CA8: variants seen among roughly 807,000 people sequenced by gnomAD.
CA8 encodes carbonic anhydrase 8 (inactive), also known as carbonic anhydrase-related protein.
Under a neutral mutation model 41.4 loss-of-function variants are expected in CA8, and 22 were observed. The observed-to-expected ratio is 0.53, with a 90% CI of 0.38 to 0.76. The LOEUF (loss-of-function observed/expected upper bound fraction) is 0.76, where lower values mean the gene tolerates loss of function less well. Among genes scored for constraint, CA8 ranks in the 30% least tolerant of loss-of-function variants. The probability of loss-of-function intolerance (pLI) is 0.00; values close to 1 mark genes in which losing one functional copy is unlikely to be tolerated. For missense variants in CA8, 270 were observed against 352.8 expected (o/e 0.77, Z 1.88); for synonymous variants, 121 against 130.6 (o/e 0.93, Z 0.50).
chr8:60,258,634 C>T (rs1046643632), intron 3 of CA8, among the ~76,000 whole-genome samples: 12 of 152,136 alleles, frequency 7.9e-5, no homozygotes, highest in African/African-American at 2.7e-4. Flanking sequence ...AATTATACAA[C>T]TCACCATAAT....
At chr8:60,209,071 T>C in intron 7 of CA8, 152 bp from the exon 8 acceptor site, 1 of 874,210 alleles carries the variant, frequency 1.1e-6, no homozygotes, top group South Asian at 1.7e-5. Flanking sequence ...AAAAACAGAC[T>C]TAATTCTTCC....
chr8:60,225,815 C>T (rs567359145), intron 5 of CA8, among the ~76,000 whole-genome samples: 1 of 152,304 alleles, frequency 6.6e-6, no homozygotes, highest in Admixed American at 6.5e-5. Flanking sequence ...GCCAAGAAGG[C>T]ACTGCTTATA....
chr8:60,281,322 G>T lies in CA8; in HGVS notation c.-175C>A, dbSNP rs1272282089. The T allele has an allele frequency of 3.3e-6, 2 of 608,366 alleles. No individual in the cohort carries two copies. Among genetic ancestry groups the T allele is most frequent in the Non-Finnish European group, 5.8e-6 (2 of 342,116 alleles). The allele number at this position is 608,366 out of a possible 1,614,324, so 37.7% of individuals were successfully genotyped here. On this transcript the variant is annotated 5_prime_UTR_variant, in exon 1 of 9. Transcript: ENST00000317995. ...GCAGTGTGAGTGCAAGCAGGCGTGC[G>T]TTCGGACCGAGTGTTCCAGAGACCC...
chr8:60,256,861 A>G (rs1219197490), intron 3 of CA8, among the ~76,000 whole-genome samples: 3 of 152,218 alleles, frequency 2.0e-5, no homozygotes, highest in African/African-American at 7.2e-5. Context: ...AATACAATAT[A>G]TTCGACTAAA....
At position 60,186,934 on chromosome 8, in the gene CA8, C is replaced by T. The variant is rs1805982275; in HGVS notation, c.*3087G>A. The stretch of plus-strand genomic sequence containing the variant: ...TCATAATAGACAGAAATAGGCATAT[C>T]AACAAGGAAATAGAAGACTTGAACA... On this transcript the variant is annotated 3_prime_UTR_variant, in exon 9 of 9. Transcript: ENST00000317995. Among the ~76,000 whole-genome samples the T allele has an allele frequency of 6.6e-6, 1 of 151,904 alleles. No homozygotes were observed. Among genetic ancestry groups the T allele is most frequent in the African/African-American group, 2.4e-5 (1 of 41,394 alleles).
At chr8:60,236,461 CCTGA>C (rs1476626381) in intron 3 of CA8, among the ~76,000 whole-genome samples, 2 of 152,064 alleles carry the variant, frequency 1.3e-5, no homozygotes, top group African/African-American at 2.4e-5. Context: ...TCTGGAGAAC[CCTGA>C]CTAATACAGA....
At chr8:60,280,969 A>G (rs1200414466) in intron 1 of CA8, 79 bp downstream of exon 1, 13 of 1,018,992 alleles carry the variant, frequency 1.3e-5, no homozygotes, top group Non-Finnish European at 2.0e-5. Context: ...GCGCAGCGGC[A>G]GCAGGACTCG....
intron 4 of CA8, among the ~76,000 whole-genome samples, chr8:60,230,813 TC>T (rs1807621438): frequency 6.6e-6 from 1 of 152,202 alleles, no homozygotes; most frequent in South Asian, 2.1e-4. Context: ...GGGTTTTCAG[TC>T]CGGGGCTCTA....
At chr8:60,214,414 G>A (rs1268712989) in intron 7 of CA8, among the ~76,000 whole-genome samples, 3 of 152,160 alleles carry the variant, frequency 2.0e-5, no homozygotes, top group African/African-American at 7.2e-5. Flanking sequence ...AATGTCAGAG[G>A]GGACCCATTC....
chr8:60,254,375 T>G (rs1808551582), intron 3 of CA8, among the ~76,000 whole-genome samples: 1 of 152,150 alleles, frequency 6.6e-6, no homozygotes, highest in Admixed American at 6.6e-5. Context: ...CGGTACAGCC[T>G]TGATTCCACT....
At chr8:60,213,996 C>G (rs1391184491) in intron 7 of CA8, among the ~76,000 whole-genome samples, 1 of 152,112 alleles carries the variant, frequency 6.6e-6, no homozygotes, top group Non-Finnish European at 1.5e-5. Context: ...CAGCAACTAC[C>G]CCAGACCTAC....
intron 2 of CA8, among the ~76,000 whole-genome samples, chr8:60,273,826 G>A (rs1394957381): frequency 6.6e-6 from 1 of 152,256 alleles, no homozygotes; most frequent in Non-Finnish European, 1.5e-5. Flanking sequence ...AGTTCCAGCA[G>A]AGAGGGATGG....
intron 3 of CA8, among the ~76,000 whole-genome samples, chr8:60,255,905 TTAA>T (rs1270453136): frequency 1.5e-5 from 2 of 136,048 alleles, no homozygotes; most frequent in African/African-American, 6.1e-5. Flanking sequence ...CATTACGCTA[TTAA>T]TTTTTTTTTT....
At chr8:60,234,922 T>G (rs1284061913) in intron 3 of CA8, among the ~76,000 whole-genome samples, 1 of 152,208 alleles carries the variant, frequency 6.6e-6, no homozygotes, top group African/African-American at 2.4e-5. Context: ...CAGTAGAGGT[T>G]GGCTAATTCA....
At chr8:60,194,326 C>T (rs180829004) in intron 8 of CA8, among the ~76,000 whole-genome samples, 28 of 152,218 alleles carry the variant, frequency 1.8e-4, no homozygotes, top group African/African-American at 2.6e-4. Flanking sequence ...AGAGTGGAGG[C>T]GGAGGGCACC....
chr8:60,245,564 TG>T, intron 3 of CA8, among the ~76,000 whole-genome samples: 1 of 152,360 alleles, frequency 6.6e-6, no homozygotes, highest in East Asian at 1.9e-4. Flanking sequence ...CTGAGATTTG[TG>T]TAAGACTCTC....
At chr8:60,237,305 T>C (rs1019116631) in intron 3 of CA8, among the ~76,000 whole-genome samples, 2 of 152,194 alleles carry the variant, frequency 1.3e-5, no homozygotes, top group Admixed American at 6.5e-5. Flanking sequence ...GTACTCTTTT[T>C]CCTATATTCT....
At chr8:60,222,130 G>A (rs1296507666) in intron 7 of CA8, among the ~76,000 whole-genome samples, 2 of 152,210 alleles carry the variant, frequency 1.3e-5, no homozygotes, top group Non-Finnish European at 2.9e-5. Flanking sequence ...CACCCACCGT[G>A]CAGTACCATT....
intron 2 of CA8, among the ~76,000 whole-genome samples, chr8:60,271,844 T>C (rs1181369236): frequency 6.6e-6 from 1 of 152,204 alleles, no homozygotes; most frequent in Non-Finnish European, 1.5e-5. Context: ...TACAATCCTC[T>C]TTATACCACT....
Sources: gnomAD v4.1 joint callset for allele counts (sites outside exome capture counted in the v4.1 genomes callset) on GRCh38, gnomAD v4.1.1 for gene constraint, MANE v1.5 for transcripts, NCBI Gene and HGNC (gene_info 2026-07-23, HGNC 2026-07-21) for gene names.